Variants in SHANK2 observed in about 807,000 individuals in gnomAD.
SHANK2 encodes the protein SH3 and multiple ankyrin repeat domains protein 2.
Under a neutral mutation model 133.7 loss-of-function variants are expected in SHANK2, and 43 were observed. That is an observed-to-expected ratio of 0.32 (90% CI 0.25 to 0.41). The LOEUF is 0.41. SHANK2 is among the 10% of genes least tolerant of loss of function. The pLI is 1.00. For missense variants in SHANK2, 1,994 were observed against 2,235.8 expected, an observed-to-expected ratio of 0.89 and a Z score of 2.18; for synonymous variants, 1,017 against 952.8, an observed-to-expected ratio of 1.07 and a Z score of -1.24.
intron 6 of SHANK2, among the ~76,000 whole-genome samples, chr11:71,105,864 A>G (rs1278365803): frequency 6.6e-6 from 1 of 151,996 alleles, no homozygotes; most frequent in African/African-American, 2.4e-5. Flanking sequence ...AGCACCAAGC[A>G]TAAACCCTCA....
intron 10 of SHANK2, among the ~76,000 whole-genome samples, chr11:70,926,705 G>A (rs1425402879): frequency 6.6e-6 from 1 of 152,190 alleles, no homozygotes; most frequent in Non-Finnish European, 1.5e-5. Context: ...AAGGCAGAGC[G>A]TGGCCCCATT....
At position 70,617,673 on chromosome 11, in the gene SHANK2, G is replaced by A. The variant is rs541510955; in HGVS notation, c.2061+42155C>T. ...AAGGTGGCCGGAATGAGGGAAAGAG[G>A]CTTTCATGATCAAGGTGGAGTTTAC... On this transcript the variant is annotated intron_variant, in intron 17 of 25. Transcript: ENST00000601538. Among the ~76,000 whole-genome samples, 39 of 152,194 alleles carry A rather than the reference G, an allele frequency of 2.6e-4. 1 individual carries two copies. The highest frequency in any genetic ancestry group is 6.8e-3 in the Middle Eastern group (2 of 294).
intron 2 of SHANK2, among the ~76,000 whole-genome samples, chr11:71,163,812 C>A (rs575561874): frequency 1.8e-4 from 27 of 152,314 alleles, no homozygotes; most frequent in Non-Finnish European, 3.5e-4. Flanking sequence ...AAATCACACA[C>A]CCTCTTCAAC....
At chr11:70,930,119 C>T (rs565779042) in intron 10 of SHANK2, among the ~76,000 whole-genome samples, 43 of 152,310 alleles carry the variant, frequency 2.8e-4, no homozygotes, top group African/African-American at 9.4e-4. Context: ...GATAAGGCTA[C>T]GGGCCAAGTG....
At chr11:70,833,365 T>C (rs1402154940) in intron 11 of SHANK2, among the ~76,000 whole-genome samples, 1 of 152,218 alleles carries the variant, frequency 6.6e-6, no homozygotes. Context: ...GTCTTCTGCC[T>C]CCTGCATCAA....
intron 25 of SHANK2, among the ~76,000 whole-genome samples, chr11:70,478,792 G>C (rs186974669): frequency 1.1e-4 from 16 of 152,324 alleles, no homozygotes; most frequent in Admixed American, 8.5e-4. Context: ...CTGAAGTGTT[G>C]ATGGATAATA....
intron 9 of SHANK2, among the ~76,000 whole-genome samples, chr11:71,069,439 T>A (rs1951114077): frequency 1.3e-5 from 2 of 151,750 alleles, no homozygotes. Context: ...ATCACCACCA[T>A]CATCAGCACC....
At chr11:70,942,404 T>C (rs980409797) in intron 10 of SHANK2, among the ~76,000 whole-genome samples, 1 of 152,032 alleles carries the variant, frequency 6.6e-6, no homozygotes, top group Non-Finnish European at 1.5e-5. Context: ...ACAAACCCAT[T>C]CCCATGAGGA....
At chr11:71,222,952 A>G (rs999972821) in intron 2 of SHANK2, among the ~76,000 whole-genome samples, 2 of 152,380 alleles carry the variant, frequency 1.3e-5, no homozygotes, top group African/African-American at 4.8e-5. Context: ...CAGCCAAGAC[A>G]GCCAGGGAAG....
intron 14 of SHANK2, among the ~76,000 whole-genome samples, chr11:70,750,604 G>A (rs1946734044): frequency 6.6e-6 from 1 of 152,210 alleles, no homozygotes; most frequent in Non-Finnish European, 1.5e-5. Flanking sequence ...CACGGAAAAT[G>A]TCAGGGAGAC....
At chr11:71,057,914 G>GA (rs1425967867) in intron 9 of SHANK2, among the ~76,000 whole-genome samples, 1 of 121,126 alleles carries the variant, frequency 8.3e-6, no homozygotes, top group Non-Finnish European at 1.6e-5. Flanking sequence ...AAGCAAAACG[G>GA]TTTTTTTTTT....
At chr11:70,763,938 G>A (rs1555040761) in intron 14 of SHANK2, among the ~76,000 whole-genome samples, 1 of 152,190 alleles carries the variant, frequency 6.6e-6, no homozygotes, top group Admixed American at 6.5e-5. Flanking sequence ...ATGTATGAAA[G>A]TTAGATGCTG....
intron 17 of SHANK2, among the ~76,000 whole-genome samples, chr11:70,623,284 G>A (rs747370637): frequency 2.6e-5 from 4 of 151,884 alleles, no homozygotes; most frequent in Non-Finnish European, 5.9e-5. Context: ...GTCCCCGGGC[G>A]GTTTTTGCCT....
chr11:70,702,338 C>G (rs1277802853), intron 14 of SHANK2, among the ~76,000 whole-genome samples: 1 of 151,534 alleles, frequency 6.6e-6, no homozygotes, highest in African/African-American at 2.4e-5. Context: ...TCATCATCAC[C>G]AACACCATCA....
intron 10 of SHANK2, among the ~76,000 whole-genome samples, chr11:70,931,836 C>T (rs914154176): frequency 4.6e-5 from 7 of 152,316 alleles, no homozygotes; most frequent in Non-Finnish European, 5.9e-5. Flanking sequence ...ACCCTCTCAA[C>T]GACGCTTATT....
At chr11:70,863,249 A>T in intron 11 of SHANK2, 1 of 443,974 alleles carries the variant, frequency 2.3e-6, no homozygotes, top group Non-Finnish European at 4.6e-6. Context: ...CCATGAGGTG[A>T]CACCTCTCCC....
chr11:71,217,306 G>C (rs1954433492), intron 2 of SHANK2, among the ~76,000 whole-genome samples: 1 of 152,054 alleles, frequency 6.6e-6, no homozygotes, highest in Non-Finnish European at 1.5e-5. Flanking sequence ...AGGAGTTTGA[G>C]ACCAGCCTGG....
intron 12 of SHANK2, among the ~76,000 whole-genome samples, chr11:70,814,104 A>T (rs1555053771): frequency 6.6e-6 from 1 of 152,166 alleles, no homozygotes; most frequent in East Asian, 1.9e-4. Context: ...CAGCTGGATC[A>T]CCTGACATCA....
At chr11:70,526,135 G>GGTGA (rs1490294265) in intron 17 of SHANK2, among the ~76,000 whole-genome samples, 1 of 152,130 alleles carries the variant, frequency 6.6e-6, no homozygotes, top group Admixed American at 6.5e-5. Context: ...TGCCAGGCAA[G>GGTGA]GTGATCCTGC....
Sources: allele counts gnomAD v4.1 joint callset (sites outside exome capture counted in the v4.1 genomes callset), GRCh38; gene constraint gnomAD v4.1.1; transcripts MANE v1.5; gene names NCBI Gene and HGNC (gene_info 2026-07-23, HGNC 2026-07-21).